The following SYS1 variants were observed in gnomAD, a reference collection of about 807,000 sequenced individuals.
SYS1 encodes the protein protein SYS1 homolog.
SYS1 carries 8 observed loss-of-function variants against 17.8 expected under a neutral mutation model. The observed-to-expected ratio is 0.45, with a 90% CI of 0.26 to 0.81. The LOEUF is 0.81. Among genes scored for constraint, SYS1 ranks in the 40% least tolerant of loss-of-function variants. The pLI is 0.16. For synonymous variants in SYS1, 95 were observed against 90.9 expected (o/e 1.05, Z -0.26); for missense variants, 161 against 203.9 (o/e 0.79, Z 1.28).
exon 4 of SYS1, chr20:45,375,248 T>C (rs993568507): frequency 1.2e-6 from 2 of 1,614,170 alleles, no homozygotes; most frequent in Non-Finnish European, 1.7e-6. Flanking sequence ...TAGGGCTTAA[T>C]GAAGATGACT....
At chr20:45,362,243 C>A (rs1236319426), upstream of SYS1, among the ~76,000 whole-genome samples, 3 of 152,188 alleles carry the variant, frequency 2.0e-5, no homozygotes, top group Non-Finnish European at 4.4e-5. Context: ...TAATATAGTT[C>A]ATCTGTGTCT....
At chr20:45,376,448 C>T (rs1471008361) in exon 4 of SYS1, 2 of 152,246 alleles carry the variant, frequency 1.3e-5, no homozygotes, top group Non-Finnish European at 2.9e-5. Context: ...AAGTAGAAGG[C>T]AGTGAAACAG....
At chr20:45,363,352 G>A in intron 1 of SYS1, 37 bp downstream of exon 1, 1 of 1,427,236 alleles carries the variant, frequency 7.0e-7, no homozygotes. Flanking sequence ...TACGGGCGGG[G>A]GCCGCGCAGG....
chr20:45,374,676 T>TC (rs1988667411), exon 4 of SYS1: 2 of 424,152 alleles, frequency 4.7e-6, no homozygotes, highest in South Asian at 4.8e-5. Context: ...CTTGACCATC[T>TC]CCCCCCTCCC....
chr20:45,364,186 G>C (rs1300803032), intron 2 of SYS1, among the ~76,000 whole-genome samples: 1 of 152,158 alleles, frequency 6.6e-6, no homozygotes, highest in African/African-American at 2.4e-5. Flanking sequence ...CAGAGAGGTC[G>C]TGGACTGCAA....
At chr20:45,374,680 C>T (rs1054935986) in exon 4 of SYS1, 2 of 426,258 alleles carry the variant, frequency 4.7e-6, no homozygotes, top group African/African-American at 2.0e-5. Context: ...ACCATCTCCC[C>T]CCTCCCACAT....
In SYS1 at chr20:45,367,685, A is replaced by C; in HGVS notation, c.*570A>C. On this transcript the variant is annotated 3_prime_UTR_variant, in exon 4 of 4. Coordinates refer to ENST00000243918, the MANE Select transcript of SYS1 (RefSeq NM_033542.4). Reference sequence around the variant, plus strand: ...AGATGGAGGCATCAAGCACAAGGAAAATGCACAACCTGTGCCCTGTTATAC... The same window carrying C: ...AGATGGAGGCATCAAGCACAAGGAACATGCACAACCTGTGCCCTGTTATAC... The C allele has an allele frequency of 4.0e-6, 4 of 990,718 alleles. No individual in the cohort carries two copies. Among genetic ancestry groups the C allele is most frequent in the Non-Finnish European group, 4.8e-6 (4 of 832,878 alleles). 61.4% of individuals were successfully genotyped at this position (990,718 alleles called of 1,614,324 possible).
upstream of SYS1, chr20:45,362,068 C>A: frequency 1.0e-6 from 1 of 970,544 alleles, no homozygotes; most frequent in Non-Finnish European, 1.2e-6. Flanking sequence ...CTGTTCTTAA[C>A]TCATTCAGCA....
At chr20:45,375,246 A>G in exon 4 of SYS1, 1 of 1,614,142 alleles carries the variant, frequency 6.2e-7, no homozygotes, top group Non-Finnish European at 8.5e-7. Context: ...GGTAGGGCTT[A>G]ATGAAGATGA....
At chr20:45,364,039 G>A (rs1215639787) in intron 2 of SYS1, among the ~76,000 whole-genome samples, 2 of 152,202 alleles carry the variant, frequency 1.3e-5, no homozygotes, top group African/African-American at 4.8e-5. Flanking sequence ...GAGCATTCGT[G>A]CGGGTACAGT....
chr20:45,368,221 G>T lies in SYS1; in HGVS notation c.*1106G>T, dbSNP rs6032143. ...TATTAGGCCACCTTCTCCCTTTCCT[G>T]GACCCCAGAGTCATTCCTCCATTTG... is the stretch of plus-strand genomic sequence containing the variant. On this transcript the variant is annotated 3_prime_UTR_variant, in exon 4 of 4. Transcript: ENST00000243918. 3.0e-5 allele frequency: 30 copies of T among 985,418 alleles called. 1 individual carries two copies. The African/African-American group carries it at 5.1e-4, about 17-fold the overall frequency. 61.0% of individuals were successfully genotyped at this position (985,418 alleles called of 1,614,324 possible). A position where few individuals can be genotyped will look rare whatever the true frequency, so the allele number is the denominator to read the frequency against.
Position 45,363,582 on chromosome 20 carries a change from G to T in SYS1, c.51G>T (p.Ser17=). The T allele has an allele frequency of 6.2e-7, 1 of 1,600,746 alleles. No individual in the cohort carries two copies. Among genetic ancestry groups the T allele is most frequent in the East Asian group, 2.3e-5 (1 of 44,244 alleles). ...TGTGGGACCCGCTGCTGATCCTGTC[G>T]CAGATCGTCCTCATGCAGACCGTGT... is the stretch of plus-strand genomic sequence containing the variant. ...SYVWDPLLIL[S]QIVLMQTVYY... The change falls in exon 2 of 4, where the codon TCG becomes TCT. Residue 17 remains serine (S), a synonymous_variant. Coordinates refer to ENST00000243918, the MANE Select transcript of SYS1 (RefSeq NM_033542.4).
chr20:45,373,807 A>G, downstream of SYS1: 2 of 1,185,716 alleles, frequency 1.7e-6, no homozygotes, highest in East Asian at 2.4e-5. Flanking sequence ...AAGTCGCGAC[A>G]CAGGCTCCCT....
chr20:45,372,198 A>C (rs1174907452), downstream of SYS1, among the ~76,000 whole-genome samples: 4 of 152,222 alleles, frequency 2.6e-5, no homozygotes, highest in African/African-American at 7.2e-5. Flanking sequence ...CAGAGGCCTA[A>C]GTGCCGGGGC....
chr20:45,362,715 A>C (rs1212289044), upstream of SYS1, among the ~76,000 whole-genome samples: 1 of 152,182 alleles, frequency 6.6e-6, no homozygotes, highest in Non-Finnish European at 1.5e-5. Flanking sequence ...TCGTTGAAAC[A>C]GTATGTTGCT....
downstream of SYS1, among the ~76,000 whole-genome samples, chr20:45,371,284 G>A (rs1285470926): frequency 6.6e-6 from 1 of 152,156 alleles, no homozygotes. Context: ...GCCTAGCCCA[G>A]CCCCTGGCAC....
In SYS1 at chr20:45,367,904, C is replaced by CT; in HGVS notation, c.*789_*790insT. ...CAGGCACCCAGCTCCCACTGGACTC[C>CT]AATTTTTTTTCCTGCCTTATTTAGA... On this transcript the variant is annotated 3_prime_UTR_variant, in exon 4 of 4. Coordinates refer to ENST00000243918, the MANE Select transcript of SYS1 (RefSeq NM_033542.4). 1 of 985,714 alleles carries CT rather than the reference C, an allele frequency of 1.0e-6. No individual in the cohort carries two copies. Among genetic ancestry groups the CT allele is most frequent in the Non-Finnish European group, 1.2e-6 (1 of 829,952 alleles). The allele number at this position is 985,714 out of a possible 1,614,324, so 61.1% of individuals were successfully genotyped here. A position where few individuals can be genotyped will look rare whatever the true frequency, so the allele number is the denominator to read the frequency against.
chr20:45,365,740 A>AGAG, intron 3 of SYS1, 54 bp downstream of exon 3: 2 of 1,553,110 alleles, frequency 1.3e-6, no homozygotes, highest in Non-Finnish European at 1.8e-6. Flanking sequence ...GCTGGGACTA[A>AGAG]CTTCCTAAGT....
Position 45,367,610 on chromosome 20 carries a change from G to C in SYS1, c.*495G>C. On this transcript the variant is annotated 3_prime_UTR_variant, in exon 4 of 4. Coordinates refer to ENST00000243918, the MANE Select transcript of SYS1 (RefSeq NM_033542.4). The stretch of plus-strand genomic sequence containing the variant: ...CTTGGTTTCCGGATCCAGAGCCACA[G>C]AAAGAAATGTAGGTGTGAAGTATTA... 2.0e-6 allele frequency: 2 copies of C among 997,538 alleles called. No homozygotes were observed. Among genetic ancestry groups the C allele is most frequent in the Non-Finnish European group, 2.4e-6 (2 of 836,404 alleles). The allele number at this position is 997,538 out of a possible 1,614,324, so 61.8% of individuals were successfully genotyped here.
Sources: allele counts gnomAD v4.1 joint callset (sites outside exome capture counted in the v4.1 genomes callset), GRCh38; gene constraint gnomAD v4.1.1; transcripts MANE v1.5; gene names NCBI Gene and HGNC (gene_info 2026-07-23, HGNC 2026-07-21).